The following COMMD10 variants were observed in gnomAD, a reference collection of about 807,000 sequenced individuals.
COMMD10 encodes COMM domain-containing protein 10.
A neutral mutation model predicts 28.9 loss-of-function variants in COMMD10; 33 were observed. The observed-to-expected ratio is 1.14, with a 90% CI of 0.87 to 1.53. The LOEUF is 1.53. Among genes scored for constraint, COMMD10 ranks in the 40% most tolerant of loss-of-function variants. COMMD10 has a pLI of 0.00. For missense variants in COMMD10, 310 were observed against 233.4 expected (o/e 1.33, Z -2.14); for synonymous variants, 110 against 81.7 (o/e 1.35, Z -1.87).
chr5:116,150,203 T>A (rs1368323096), intron 5 of COMMD10, among the ~76,000 whole-genome samples: 1 of 152,176 alleles, frequency 6.6e-6, no homozygotes, highest in Non-Finnish European at 1.5e-5. Context: ...TCTGTTCTGT[T>A]CCATTGATCT....
At chr5:116,264,314 G>A (rs925449786) in intron 5 of COMMD10, among the ~76,000 whole-genome samples, 3 of 151,748 alleles carry the variant, frequency 2.0e-5, no homozygotes, top group Admixed American at 6.6e-5. Flanking sequence ...ACGTATGAAG[G>A]CACAAAAGTG....
chr5:116,206,131 C>G (rs960151488), intron 5 of COMMD10, among the ~76,000 whole-genome samples: 4 of 152,166 alleles, frequency 2.6e-5, no homozygotes, highest in Non-Finnish European at 4.4e-5. Flanking sequence ...CAAGGAGCTT[C>G]ATATTTAGTT....
intron 5 of COMMD10, among the ~76,000 whole-genome samples, chr5:116,238,026 T>A (rs1749719626): frequency 6.6e-6 from 1 of 152,156 alleles, no homozygotes; most frequent in Non-Finnish European, 1.5e-5. Context: ...TTGAATAAAT[T>A]TATATTATCT....
chr5:116,206,792 C>G (rs554636274), intron 5 of COMMD10, among the ~76,000 whole-genome samples: 56 of 152,230 alleles, frequency 3.7e-4, no homozygotes, highest in Non-Finnish European at 5.9e-4. Context: ...CTGCAATAAG[C>G]AAACCTCTTT....
rs930279176 is a variant in COMMD10 at position 116,248,286 on chromosome 5, G to C, written c.511-43231G>C. Among the ~76,000 whole-genome samples the C allele has an allele frequency of 2.6e-5, 4 of 151,838 alleles. No individual in the cohort carries two copies. The East Asian group carries it at 5.8e-4, about 22-fold the overall frequency. On this transcript the variant is annotated intron_variant, in intron 5 of 6. Transcript: ENST00000274458. ...TAAATTGACTTAAGTGTAGCTTTTG[G>C]ACAGCATTGAAAGTTTCAGATACAG...
intron 5 of COMMD10, among the ~76,000 whole-genome samples, chr5:116,146,160 C>G (rs80347621): frequency 1.3e-5 from 2 of 151,746 alleles, no homozygotes; most frequent in Non-Finnish European, 2.9e-5. Context: ...TGGTCTTTTG[C>G]GAACCTTTAC....
intron 5 of COMMD10, among the ~76,000 whole-genome samples, chr5:116,145,222 G>C (rs1342722899): frequency 6.6e-6 from 1 of 151,788 alleles, no homozygotes; most frequent in Non-Finnish European, 1.5e-5. Context: ...GAACAAACTG[G>C]GTATTTTAGG....
intron 5 of COMMD10, among the ~76,000 whole-genome samples, chr5:116,152,176 T>A (rs1196721525): frequency 3.9e-5 from 6 of 152,240 alleles, no homozygotes; most frequent in African/African-American, 9.6e-5. Flanking sequence ...TTTGAGTGAG[T>A]TTCTTAATCC....
At chr5:116,139,405 TAAAAA>T (rs1752126593) in intron 5 of COMMD10, among the ~76,000 whole-genome samples, 1 of 151,720 alleles carries the variant, frequency 6.6e-6, no homozygotes, top group African/African-American at 2.4e-5. Context: ...CTGCATCAGT[TAAAAA>T]GAAAAGATGT....
intron 5 of COMMD10, among the ~76,000 whole-genome samples, chr5:116,159,332 G>A (rs1752841965): frequency 6.6e-6 from 1 of 152,170 alleles, no homozygotes; most frequent in African/African-American, 2.4e-5. Flanking sequence ...TTGCCTCATG[G>A]CATTTGCACT....
intron 5 of COMMD10, among the ~76,000 whole-genome samples, chr5:116,244,660 CAAAAAAAAAAAA>C (rs60360733): frequency 2.3e-4 from 18 of 79,490 alleles, no homozygotes; most frequent in African/African-American, 6.4e-4. Context: ...AAAAAAATTA[CAAAAAAAAAAAA>C]AAAAAAGAAA....
intron 5 of COMMD10, among the ~76,000 whole-genome samples, chr5:116,273,399 A>AT (rs1354385907): frequency 6.6e-6 from 1 of 151,790 alleles, no homozygotes; most frequent in Non-Finnish European, 1.5e-5. Context: ...CCATTCTGTC[A>AT]TTTTTCCTCA....
chr5:116,180,738 T>G (rs1747928631), intron 5 of COMMD10, among the ~76,000 whole-genome samples: 1 of 152,138 alleles, frequency 6.6e-6, no homozygotes, highest in African/African-American at 2.4e-5. Context: ...AAAATCAATT[T>G]TTTTGACTTG....
chr5:116,275,559 G>T (rs947661921), intron 5 of COMMD10, among the ~76,000 whole-genome samples: 1 of 151,672 alleles, frequency 6.6e-6, no homozygotes, highest in Non-Finnish European at 1.5e-5. Context: ...TGTACACATT[G>T]TCTTCATCAT....
intron 5 of COMMD10, among the ~76,000 whole-genome samples, chr5:116,180,864 T>A (rs1476899382): frequency 6.6e-6 from 1 of 152,104 alleles, no homozygotes; most frequent in East Asian, 1.9e-4. Context: ...ATGAAATGCT[T>A]ATTTAAAAAG....
chr5:116,104,462 A>G (rs1393551149), intron 4 of COMMD10, among the ~76,000 whole-genome samples: 1 of 152,100 alleles, frequency 6.6e-6, no homozygotes, highest in Non-Finnish European at 1.5e-5. Context: ...TTATTGGTGT[A>G]TAGGGATGCT....
At position 116,266,555 on chromosome 5, in the gene COMMD10, T is replaced by G. The variant is rs920371879; in HGVS notation, c.511-24962T>G. 5.3e-5 allele frequency among the ~76,000 whole-genome samples: 8 copies of G among 151,862 alleles called. 1 individual carries two copies. The highest frequency in any genetic ancestry group is 1.7e-4 in the African/African-American group (7 of 41,212). On this transcript the variant is annotated intron_variant, in intron 5 of 6. Transcript: ENST00000274458. ...TACTTTCTACAGGAACTACTTCTAT[T>G]ACACTCTTTAATTTAAATCTCTTTC...
At chr5:116,255,500 A>G (rs2112679018) in intron 5 of COMMD10, among the ~76,000 whole-genome samples, 1 of 151,670 alleles carries the variant, frequency 6.6e-6, no homozygotes, top group South Asian at 2.1e-4. Context: ...CCTGGTGGTG[A>G]CAAAATCTCT....
chr5:116,128,995 T>C (rs562440113), intron 4 of COMMD10, among the ~76,000 whole-genome samples: 2 of 152,082 alleles, frequency 1.3e-5, no homozygotes, highest in East Asian at 3.9e-4. Flanking sequence ...GGTTCTCCAC[T>C]GTATCACTAC....
Sources: gnomAD v4.1 joint callset for allele counts (sites outside exome capture counted in the v4.1 genomes callset) on GRCh38, gnomAD v4.1.1 for gene constraint, MANE v1.5 for transcripts, NCBI Gene and HGNC (gene_info 2026-07-23, HGNC 2026-07-21) for gene names.